BCKDHB: variants seen among roughly 807,000 people sequenced by gnomAD.
The protein encoded by BCKDHB is 2-oxoisovalerate dehydrogenase subunit beta, mitochondrial.
A neutral mutation model predicts 48.5 loss-of-function variants in BCKDHB; 41 were observed. That is an observed-to-expected ratio of 0.85 (90% CI 0.66 to 1.10). The LOEUF is 1.10. BCKDHB is among the 50% of genes least tolerant of loss of function. BCKDHB has a pLI of 0.00. For synonymous variants in BCKDHB, 201 were observed against 174.8 expected, an observed-to-expected ratio of 1.15 and a Z score of -1.18; for missense variants, 496 against 494.2, an observed-to-expected ratio of 1.00 and a Z score of -0.03.
chr6:80,128,563 T>G (rs1770461355), intron 2 of BCKDHB, among the ~76,000 whole-genome samples: 1 of 152,100 alleles, frequency 6.6e-6, no homozygotes, highest in Admixed American at 6.6e-5. Context: ...CTTCACACAG[T>G]CTAAATCCCT....
chr6:80,343,154 T>C (rs1377248565), intron 9 of BCKDHB, among the ~76,000 whole-genome samples: 2 of 152,194 alleles, frequency 1.3e-5, no homozygotes, highest in East Asian at 3.9e-4. Flanking sequence ...CCCAGCATTA[T>C]CTGCAAAAGC....
At chr6:80,355,130 T>G in the BCKDHB span, among the ~76,000 whole-genome samples, 8 of 152,136 alleles carry the variant, frequency 5.3e-5, no homozygotes, top group Non-Finnish European at 1.0e-4. Flanking sequence ...TTCCAATTCA[T>G]GGGATGTTTT....
chr6:80,205,603 G>C (rs562659206), intron 8 of BCKDHB, among the ~76,000 whole-genome samples: 3 of 152,038 alleles, frequency 2.0e-5, no homozygotes, highest in African/African-American at 7.2e-5. Context: ...GAAAGGAGCA[G>C]AGTCTTTGAC....
At chr6:80,410,414 G>C in the BCKDHB span, among the ~76,000 whole-genome samples, 3,317 of 152,090 alleles carry the variant, frequency 0.022, 129 homozygotes, top group African/African-American at 0.074. Flanking sequence ...TGAATCTGAC[G>C]ATTATGTGTG....
chr6:80,362,346 C>A, the BCKDHB span, among the ~76,000 whole-genome samples: 63,178 of 151,954 alleles, frequency 0.42, 14,654 homozygotes, highest in Non-Finnish European at 0.54. Flanking sequence ...AGAGTGTACA[C>A]CAATGCTTTC....
At chr6:80,442,416 A>G in the BCKDHB span, among the ~76,000 whole-genome samples, 4 of 152,298 alleles carry the variant, frequency 2.6e-5, no homozygotes, top group African/African-American at 9.6e-5. Flanking sequence ...TTGTTTCTTT[A>G]ATAGTTGCTA....
At chr6:80,255,875 A>G (rs1186244375) in intron 8 of BCKDHB, among the ~76,000 whole-genome samples, 1 of 152,230 alleles carries the variant, frequency 6.6e-6, no homozygotes, top group Non-Finnish European at 1.5e-5. Flanking sequence ...CCTAGTCACT[A>G]AAGTTCTTTT....
intron 8 of BCKDHB, among the ~76,000 whole-genome samples, chr6:80,218,628 T>C (rs1775279162): frequency 1.3e-5 from 2 of 152,186 alleles, no homozygotes; most frequent in Non-Finnish European, 2.9e-5. Flanking sequence ...TGATTACCTC[T>C]TTATTGTAAT....
chr6:80,113,576 A>G (rs1035226414), intron 1 of BCKDHB, among the ~76,000 whole-genome samples: 16 of 152,350 alleles, frequency 1.1e-4, no homozygotes, highest in African/African-American at 3.6e-4. Context: ...TGTATGGAGC[A>G]GAGAGGAAAA....
chr6:80,277,456 ATAGAG>A (rs1481548196), intron 9 of BCKDHB, among the ~76,000 whole-genome samples: 2 of 152,128 alleles, frequency 1.3e-5, no homozygotes, highest in Non-Finnish European at 2.9e-5. Context: ...GCTGGTTTAA[ATAGAG>A]TAAATTTTTT....
intron 3 of BCKDHB, among the ~76,000 whole-genome samples, chr6:80,129,889 T>C (rs1770544663): frequency 6.6e-6 from 1 of 152,192 alleles, no homozygotes; most frequent in African/African-American, 2.4e-5. Flanking sequence ...TAATCACATC[T>C]AAAAAATACC....
intron 3 of BCKDHB, among the ~76,000 whole-genome samples, chr6:80,163,393 T>C (rs1772418878): frequency 6.6e-6 from 1 of 151,490 alleles, no homozygotes; most frequent in Non-Finnish European, 1.5e-5. Flanking sequence ...TCAGTCCTCA[T>C]CTCACTTTTT....
chr6:80,406,232 A>G, the BCKDHB span, among the ~76,000 whole-genome samples: 2,610 of 152,266 alleles, frequency 0.017, 21 homozygotes, highest in Non-Finnish European at 0.026. Flanking sequence ...TCATTGATGG[A>G]CATTTGGGTT....
intron 8 of BCKDHB, among the ~76,000 whole-genome samples, chr6:80,249,164 G>T (rs1018818027): frequency 4.0e-5 from 6 of 151,660 alleles, no homozygotes; most frequent in Non-Finnish European, 8.8e-5. Flanking sequence ...ATGCTAATAA[G>T]TTCCTCCCAC....
chr6:80,194,173 C>A (rs977027564), intron 6 of BCKDHB, among the ~76,000 whole-genome samples: 2 of 152,080 alleles, frequency 1.3e-5, no homozygotes, highest in Non-Finnish European at 2.9e-5. Flanking sequence ...ATTTTCCCAG[C>A]CATCTAAGGG....
At chr6:80,411,406 G>T in the BCKDHB span, among the ~76,000 whole-genome samples, 1 of 152,328 alleles carries the variant, frequency 6.6e-6, no homozygotes, top group African/African-American at 2.4e-5. Context: ...TCCCAGTCAG[G>T]CTACATGGGG....
chr6:80,326,448 A>C (rs1476500516), intron 9 of BCKDHB, among the ~76,000 whole-genome samples: 1 of 152,220 alleles, frequency 6.6e-6, no homozygotes, highest in Non-Finnish European at 1.5e-5. Flanking sequence ...TATAGGTTAT[A>C]GGAGCAAGAA....
intron 9 of BCKDHB, among the ~76,000 whole-genome samples, chr6:80,293,139 C>T (rs550067684): frequency 6.6e-6 from 1 of 152,188 alleles, no homozygotes; most frequent in Non-Finnish European, 1.5e-5. Flanking sequence ...CCTCTTCGCA[C>T]GCTCCACTAG....
intron 8 of BCKDHB, among the ~76,000 whole-genome samples, chr6:80,263,658 C>G (rs1777393156): frequency 6.6e-6 from 1 of 152,122 alleles, no homozygotes. Context: ...CATGGTGATA[C>G]AGAAGTGTAG....
Sources: allele counts gnomAD v4.1 joint callset (sites outside exome capture counted in the v4.1 genomes callset), GRCh38; gene constraint gnomAD v4.1.1; transcripts MANE v1.5; gene names NCBI Gene and HGNC (gene_info 2026-07-23, HGNC 2026-07-21).